Variants in PLCB4 observed in about 807,000 individuals in gnomAD.
PLCB4 encodes phospholipase C beta 4.
PLCB4 carries 77 observed loss-of-function variants against 178.8 expected under a neutral mutation model. The ratio of observed to expected loss-of-function variants is 0.43; its 90% CI spans 0.36 to 0.52. The LOEUF (loss-of-function observed/expected upper bound fraction) is 0.52. Among genes scored for constraint, PLCB4 ranks in the 20% least tolerant of loss-of-function variants. PLCB4 has a pLI of 0.00. For missense variants in PLCB4, 1,024 were observed against 1,453.4 expected, an observed-to-expected ratio of 0.70 and a Z score of 4.80; for synonymous variants, 496 against 490.8, an observed-to-expected ratio of 1.01 and a Z score of -0.14.
chr20:9,162,366 AT>A (rs1206806443), intron 2 of PLCB4, among the ~76,000 whole-genome samples: 5 of 152,162 alleles, frequency 3.3e-5, no homozygotes, highest in Admixed American at 1.3e-4. Flanking sequence ...TGTTTTGGGT[AT>A]TGGGCAAGAG....
chr20:9,179,090 G>C (rs1052960983), intron 2 of PLCB4, among the ~76,000 whole-genome samples: 2 of 152,158 alleles, frequency 1.3e-5, no homozygotes, highest in Admixed American at 6.6e-5. Context: ...TTTGTCTAGA[G>C]GGGTATAGGC....
At chr20:9,097,974 A>G (rs2090982539) in intron 2 of PLCB4, among the ~76,000 whole-genome samples, 1 of 152,210 alleles carries the variant, frequency 6.6e-6, no homozygotes, top group Non-Finnish European at 1.5e-5. Context: ...GGACATAAAT[A>G]AACCCTATGA....
intron 2 of PLCB4, among the ~76,000 whole-genome samples, chr20:9,191,635 C>T (rs1364837105): frequency 6.6e-6 from 1 of 152,004 alleles, no homozygotes; most frequent in Non-Finnish European, 1.5e-5. Flanking sequence ...CTGTTGGTAC[C>T]TAGTCCTACC....
At chr20:9,074,345 C>T (rs988865703) in intron 1 of PLCB4, among the ~76,000 whole-genome samples, 8 of 152,128 alleles carry the variant, frequency 5.3e-5, no homozygotes, top group Non-Finnish European at 1.0e-4. Context: ...CCTGTAGCTA[C>T]GGAAACACCC....
At chr20:9,413,816 A>G (rs2040045935) in intron 25 of PLCB4, among the ~76,000 whole-genome samples, 1 of 152,164 alleles carries the variant, frequency 6.6e-6, no homozygotes, top group Non-Finnish European at 1.5e-5. Flanking sequence ...GCTCAAGTGC[A>G]GTGGTGCAAA....
At chr20:9,372,188 A>G (rs2036306195) in intron 10 of PLCB4, 115 bp from the exon 11 acceptor site, 1 of 621,270 alleles carries the variant, frequency 1.6e-6, no homozygotes, top group Admixed American at 3.0e-5. Context: ...AGCAGGAATC[A>G]GAGATGAAGA....
At chr20:9,234,211 G>C (rs2093967128) in intron 3 of PLCB4, among the ~76,000 whole-genome samples, 1 of 152,082 alleles carries the variant, frequency 6.6e-6, no homozygotes, top group African/African-American at 2.4e-5. Context: ...GGAAAAATAT[G>C]GATAAAAAAT....
Position 9,444,207 on chromosome 20 carries a change from G to A in PLCB4, c.2844G>A (p.Gln948=), listed in dbSNP as rs2042272905. The A allele has an allele frequency of 2.5e-6, 4 of 1,604,850 alleles. No individual in the cohort carries two copies. In the East Asian group the frequency reaches 8.9e-5, roughly 36 times the overall value. ...ACTTGAAGCATTTAAAGAAACAGCA[G>A]AAGGAGCTAAATTCTTTAAAGAAGA... The part of the protein sequence containing the change: ...KAYLKHLKKQ[Q]KELNSLKKKH... The change falls in exon 32 of 40, where the codon CAG becomes CAA. Residue 948 remains glutamine, a synonymous_variant. Transcript: ENST00000378473.
chr20:9,171,754 C>A (rs544045548), intron 2 of PLCB4, among the ~76,000 whole-genome samples: 1 of 152,068 alleles, frequency 6.6e-6, no homozygotes, highest in Non-Finnish European at 1.5e-5. Context: ...TAATTGGAGG[C>A]GGCAGAAGCA....
intron 32 of PLCB4, among the ~76,000 whole-genome samples, chr20:9,453,137 C>A (rs1213178685): frequency 6.6e-6 from 1 of 152,212 alleles, no homozygotes; most frequent in African/African-American, 2.4e-5. Context: ...GTTCACTAGA[C>A]TGAGGCTAGA....
chr20:9,108,869 A>T (rs1568765280), intron 2 of PLCB4, among the ~76,000 whole-genome samples: 1 of 148,926 alleles, frequency 6.7e-6, no homozygotes, highest in Non-Finnish European at 1.5e-5. Context: ...AGAGATACAG[A>T]GTGATGAGAG....
At chr20:9,158,369 G>C (rs751852535) in intron 2 of PLCB4, among the ~76,000 whole-genome samples, 5 of 151,308 alleles carry the variant, frequency 3.3e-5, no homozygotes, top group African/African-American at 7.3e-5. Flanking sequence ...GGGTTCAAGT[G>C]ATCCTCCTCC....
chr20:9,188,214 AT>A (rs2147123648), intron 2 of PLCB4, among the ~76,000 whole-genome samples: 1 of 152,364 alleles, frequency 6.6e-6, no homozygotes, highest in Non-Finnish European at 1.5e-5. Flanking sequence ...GGGAGGAAGG[AT>A]GGAAAGCCAG....
intron 17 of PLCB4, among the ~76,000 whole-genome samples, chr20:9,392,596 G>A (rs539128338): frequency 6.6e-6 from 1 of 152,254 alleles, no homozygotes; most frequent in East Asian, 1.9e-4. Context: ...GGAAGCATGG[G>A]TAATATAAAT....
chr20:9,289,516 G>A (rs1425467664), intron 3 of PLCB4, among the ~76,000 whole-genome samples: 1 of 151,978 alleles, frequency 6.6e-6, no homozygotes, highest in Non-Finnish European at 1.5e-5. Context: ...CTGTCCTCAG[G>A]TCATTTCAAA....
At chr20:9,414,598 A>T (rs2238699) in intron 25 of PLCB4, among the ~76,000 whole-genome samples, 6,555 of 152,290 alleles carry the variant, frequency 0.043, 328 homozygotes, top group East Asian at 0.24. Context: ...CAAAGTACAC[A>T]AACACCCCCA....
intron 3 of PLCB4, among the ~76,000 whole-genome samples, chr20:9,245,773 T>G (rs1478540015): frequency 6.6e-6 from 1 of 151,518 alleles, no homozygotes; most frequent in African/African-American, 2.4e-5. Context: ...TAGCTGGGAC[T>G]CCAGGCACAT....
intron 2 of PLCB4, among the ~76,000 whole-genome samples, chr20:9,162,105 G>A (rs1357376820): frequency 6.6e-6 from 1 of 152,082 alleles, no homozygotes; most frequent in East Asian, 1.9e-4. Flanking sequence ...CATTAGAGTG[G>A]ATGACCCAGG....
intron 4 of PLCB4, among the ~76,000 whole-genome samples, chr20:9,323,916 T>C (rs1414668821): frequency 2.0e-5 from 3 of 152,132 alleles, no homozygotes; most frequent in African/African-American, 7.2e-5. Context: ...CCCTGCTCCC[T>C]CCTCTCCTCT....
Sources: allele counts gnomAD v4.1 joint callset (sites outside exome capture counted in the v4.1 genomes callset), GRCh38; gene constraint gnomAD v4.1.1; transcripts MANE v1.5; gene names NCBI Gene and HGNC (gene_info 2026-07-23, HGNC 2026-07-21).